Variants in CEP85L observed in about 807,000 individuals in gnomAD.
CEP85L encodes the protein centrosomal protein 85L, also known as centrosomal protein of 85 kDa-like.
A neutral mutation model predicts 100.3 loss-of-function variants in CEP85L; 60 were observed. The ratio of observed to expected loss-of-function variants is 0.60; its 90% CI spans 0.49 to 0.74. The LOEUF (loss-of-function observed/expected upper bound fraction) is 0.74. Among genes scored for constraint, CEP85L ranks in the 30% least tolerant of loss-of-function variants. The pLI is 0.00. For synonymous variants in CEP85L, 319 were observed against 322.7 expected (o/e 0.99, Z 0.12); for missense variants, 973 against 936.2 (o/e 1.04, Z -0.51).
At chr6:118,533,820 C>G (rs185811824) in intron 3 of CEP85L, among the ~76,000 whole-genome samples, 122 of 152,276 alleles carry the variant, frequency 8.0e-4, no homozygotes, top group African/African-American at 2.8e-3. Flanking sequence ...GCAAGCTGGG[C>G]GCAGTGGCTC....
At chr6:118,672,404 A>G (rs1170675782) in intron 1 of CEP85L, among the ~76,000 whole-genome samples, 3 of 152,138 alleles carry the variant, frequency 2.0e-5, no homozygotes, top group African/African-American at 7.2e-5. Context: ...AATATTGACT[A>G]TGTACTCAGA....
intron 3 of CEP85L, among the ~76,000 whole-genome samples, chr6:118,547,649 A>C (rs1778284499): frequency 6.6e-6 from 1 of 152,124 alleles, no homozygotes; most frequent in Non-Finnish European, 1.5e-5. Context: ...AAGTATTACT[A>C]TTCACAAATA....
chr6:118,596,851 C>T (rs530455626), intron 2 of CEP85L, among the ~76,000 whole-genome samples: 1 of 152,236 alleles, frequency 6.6e-6, no homozygotes, highest in South Asian at 2.1e-4. Context: ...ATTCCTTATG[C>T]CTCTTTCCTA....
At chr6:118,650,932 G>A (rs1208622985) in intron 1 of CEP85L, among the ~76,000 whole-genome samples, 1 of 152,236 alleles carries the variant, frequency 6.6e-6, no homozygotes, top group East Asian at 1.9e-4. Context: ...GGGGGCCCAA[G>A]CGAGCTGGAA....
chr6:118,532,103 GC>G lies in CEP85L; in HGVS notation c.1021-8184del, dbSNP rs923968847. On this transcript the variant is annotated intron_variant, in intron 3 of 12. Transcript: ENST00000368491. ...GCAAAGATATGGAATCAACCTAAATGCCCATCAACAGTAGACTGGATAAAGA... is the reference window on the plus strand; with the variant it reads ...GCAAAGATATGGAATCAACCTAAATGCCATCAACAGTAGACTGGATAAAGA... 6.6e-5 allele frequency among the ~76,000 whole-genome samples: 10 copies of G among 152,180 alleles called. No individual in the cohort carries two copies. The South Asian group carries it at 1.2e-3, about 19-fold the overall frequency.
rs751698371 is a variant in CEP85L, at chr6:118,709,556, T to TGTGTGTGTGTGTGTGTGTGTGAGA, written c.-28+479_-28+480insTCTCACACACACACACACACACAC. Among the ~76,000 whole-genome samples, 448 of 142,266 alleles carry TGTGTGTGTGTGTGTGTGTGTGAGA rather than the reference T, an allele frequency of 3.1e-3. 3 individuals carry two copies. Among genetic ancestry groups the TGTGTGTGTGTGTGTGTGTGTGAGA allele is most frequent in the African/African-American group, 0.012 (414 of 35,534 alleles). 93.3% of individuals were successfully genotyped at this position (142,266 alleles called of 152,430 possible). A position where few individuals can be genotyped will look rare whatever the true frequency, so the allele number is the denominator to read the frequency against. ...GCGTGTGTGTGTGTGTGTGTGTGTG[T>TGTGTGTGTGTGTGTGTGTGTGAGA]GAGAGAGAGAGAGAGAGAGAGAGAG... On this transcript the variant is annotated intron_variant, in intron 1 of 13. Transcript: ENST00000368488.
intron 7 of CEP85L, 68 bp from the exon 8 acceptor site, chr6:118,482,001 C>T: frequency 4.5e-6 from 4 of 888,176 alleles, no homozygotes; most frequent in Non-Finnish European, 4.6e-6. Flanking sequence ...GAAACTGTTA[C>T]TGTGTTGGCA....
chr6:118,690,623 C>G (rs992133449), intron 1 of CEP85L, among the ~76,000 whole-genome samples: 38 of 152,322 alleles, frequency 2.5e-4, no homozygotes, highest in African/African-American at 8.7e-4. Context: ...TGGGATTGCT[C>G]TAGTTAAACA....
chr6:118,633,115 A>C (rs552309257), intron 1 of CEP85L, among the ~76,000 whole-genome samples: 112 of 152,248 alleles, frequency 7.4e-4, no homozygotes, highest in African/African-American at 2.4e-3. Context: ...TAAAATTTTT[A>C]AATTTTACAT....
At chr6:118,492,336 G>A (rs1001253659) in intron 5 of CEP85L, among the ~76,000 whole-genome samples, 1 of 152,070 alleles carries the variant, frequency 6.6e-6, no homozygotes, top group Admixed American at 6.6e-5. Context: ...TTAATAGAAT[G>A]TTTCTCTAAC....
chr6:118,482,802 T>C (rs926501240), intron 7 of CEP85L, among the ~76,000 whole-genome samples: 1 of 152,222 alleles, frequency 6.6e-6, no homozygotes, highest in Non-Finnish European at 1.5e-5. Context: ...TGCCTGACTT[T>C]AATCTCTCTT....
chr6:118,539,704 G>A (rs1453361935), intron 3 of CEP85L, among the ~76,000 whole-genome samples: 1 of 151,934 alleles, frequency 6.6e-6, no homozygotes, highest in African/African-American at 2.4e-5. Context: ...CATCACCTAG[G>A]TATTAAGCCC....
intron 1 of CEP85L, among the ~76,000 whole-genome samples, chr6:118,638,791 A>T (rs1308403531): frequency 6.6e-6 from 1 of 152,084 alleles, no homozygotes; most frequent in Non-Finnish European, 1.5e-5. Flanking sequence ...AACATTAAAA[A>T]TTCTGAATAT....
intron 3 of CEP85L, among the ~76,000 whole-genome samples, chr6:118,527,102 C>A (rs1777020430): frequency 1.3e-5 from 2 of 148,988 alleles, no homozygotes; most frequent in Non-Finnish European, 3.0e-5. Context: ...GCAACCTCTG[C>A]CTCCTGGGTT....
At chr6:118,596,491 T>C (rs1298690967) in intron 2 of CEP85L, among the ~76,000 whole-genome samples, 1 of 152,030 alleles carries the variant, frequency 6.6e-6, no homozygotes, top group Non-Finnish European at 1.5e-5. Flanking sequence ...ATAGCTCCCA[T>C]AAATTAAAAA....
chr6:118,567,243 GTGTGTGTATATATATATA>G (rs1347357315), intron 2 of CEP85L, among the ~76,000 whole-genome samples: 31 of 31,364 alleles, frequency 9.9e-4, no homozygotes, highest in Admixed American at 5.1e-3. Flanking sequence ...GTGTGTGTGT[GTGTGTGTATATATATATA>G]TATATATATA....
chr6:118,521,979 CA>C (rs997004914), intron 4 of CEP85L, among the ~76,000 whole-genome samples: 4 of 150,068 alleles, frequency 2.7e-5, no homozygotes, highest in African/African-American at 4.9e-5. Flanking sequence ...GAATGGTATT[CA>C]AAAAAAAATA....
At chr6:118,518,693 A>C (rs1016955260) in intron 4 of CEP85L, among the ~76,000 whole-genome samples, 1 of 152,112 alleles carries the variant, frequency 6.6e-6, no homozygotes, top group African/African-American at 2.4e-5. Flanking sequence ...TCCTGGATTC[A>C]TTAATATTTT....
At chr6:118,520,938 T>G (rs1394011778) in intron 4 of CEP85L, among the ~76,000 whole-genome samples, 1 of 152,216 alleles carries the variant, frequency 6.6e-6, no homozygotes, top group Non-Finnish European at 1.5e-5. Flanking sequence ...AGGAACAGTT[T>G]CTATAGCAGT....
Sources: allele counts gnomAD v4.1 joint callset (sites outside exome capture counted in the v4.1 genomes callset), GRCh38; gene constraint gnomAD v4.1.1; transcripts MANE v1.5; gene names NCBI Gene and HGNC (gene_info 2026-07-23, HGNC 2026-07-21).